NCKAP5: variants seen among roughly 807,000 people sequenced by gnomAD.
NCKAP5 encodes the protein nck-associated protein 5.
A neutral mutation model predicts 167.0 loss-of-function variants in NCKAP5; 92 were observed. That is an observed-to-expected ratio of 0.55 (90% CI 0.47 to 0.66). The LOEUF (loss-of-function observed/expected upper bound fraction) is 0.66, where lower values mean the gene tolerates loss of function less well. Among genes scored for constraint, NCKAP5 ranks in the 30% least tolerant of loss-of-function variants. NCKAP5 has a pLI of 0.00. For missense variants in NCKAP5, 2,378 were observed against 2,315.0 expected (o/e 1.03, Z -0.56); for synonymous variants, 891 against 877.4 (o/e 1.02, Z -0.27).
At chr2:132,868,385 T>C (rs563984400) in intron 10 of NCKAP5, among the ~76,000 whole-genome samples, 4 of 152,278 alleles carry the variant, frequency 2.6e-5, no homozygotes, top group African/African-American at 9.6e-5. Flanking sequence ...CTCATAGGTA[T>C]GGAAATTTCA....
intron 11 of NCKAP5, among the ~76,000 whole-genome samples, chr2:132,843,800 G>C (rs903592352): frequency 6.6e-6 from 1 of 151,722 alleles, no homozygotes; most frequent in Non-Finnish European, 1.5e-5. Flanking sequence ...ACTAATTTAA[G>C]TTGCTATTCT....
chr2:132,923,048 T>C (rs904418996), intron 8 of NCKAP5, among the ~76,000 whole-genome samples: 6 of 152,210 alleles, frequency 3.9e-5, no homozygotes, highest in Admixed American at 6.5e-5. Flanking sequence ...AGGCACTGTG[T>C]GGAGAGATGG....
At chr2:133,160,118 C>T (rs190538975) in intron 5 of NCKAP5, among the ~76,000 whole-genome samples, 1 of 152,184 alleles carries the variant, frequency 6.6e-6, no homozygotes, top group Non-Finnish European at 1.5e-5. Context: ...AACTGGGTGA[C>T]ATAGAACAAT....
At chr2:133,356,681 A>C (rs973584813) in intron 3 of NCKAP5, among the ~76,000 whole-genome samples, 1 of 152,202 alleles carries the variant, frequency 6.6e-6, no homozygotes, top group Non-Finnish European at 1.5e-5. Context: ...TGAAACTTTG[A>C]GAAAGCCCAA....
chr2:133,492,577 T>G (rs867520262), intron 3 of NCKAP5, among the ~76,000 whole-genome samples: 1 of 152,276 alleles, frequency 6.6e-6, no homozygotes, highest in Middle Eastern at 3.4e-3. Context: ...CTCTAACTAG[T>G]TATATGACCA....
chr2:132,936,196 G>C (rs1054388647), intron 8 of NCKAP5, among the ~76,000 whole-genome samples: 1 of 152,102 alleles, frequency 6.6e-6, no homozygotes, highest in African/African-American at 2.4e-5. Flanking sequence ...TGGCCAGGCT[G>C]GTCAGGAACT....
chr2:133,103,384 C>T (rs1263462672), intron 6 of NCKAP5, among the ~76,000 whole-genome samples: 1 of 152,128 alleles, frequency 6.6e-6, no homozygotes, highest in Non-Finnish European at 1.5e-5. Context: ...GTTAAATATT[C>T]TTATTTTTGA....
At chr2:132,850,633 C>T (rs990501671) in intron 11 of NCKAP5, among the ~76,000 whole-genome samples, 1 of 152,008 alleles carries the variant, frequency 6.6e-6, no homozygotes, top group Admixed American at 6.6e-5. Flanking sequence ...CATATTTGAC[C>T]ACACTGGCCT....
chr2:133,082,771 T>A (rs1251848066), intron 6 of NCKAP5, among the ~76,000 whole-genome samples: 1 of 152,300 alleles, frequency 6.6e-6, no homozygotes, highest in East Asian at 1.9e-4. Flanking sequence ...TGATTCCCGA[T>A]GGCCTACTGT....
intron 5 of NCKAP5, among the ~76,000 whole-genome samples, chr2:133,196,032 C>T (rs1459656786): frequency 6.6e-6 from 1 of 152,074 alleles, no homozygotes; most frequent in Non-Finnish European, 1.5e-5. Context: ...CTGGGTAAAA[C>T]GATGGACAGA....
At chr2:133,135,353 T>G (rs1228559907) in intron 5 of NCKAP5, among the ~76,000 whole-genome samples, 1 of 148,454 alleles carries the variant, frequency 6.7e-6, no homozygotes, top group Non-Finnish European at 1.5e-5. Context: ...AAGCCCAGTG[T>G]GGCTGGAAGC....
chr2:133,446,149 G>A (rs1691180199), intron 3 of NCKAP5, among the ~76,000 whole-genome samples: 1 of 152,068 alleles, frequency 6.6e-6, no homozygotes, highest in Non-Finnish European at 1.5e-5. Context: ...AGCAACCATA[G>A]GAAAGGGGAA....
intron 8 of NCKAP5, among the ~76,000 whole-genome samples, chr2:132,891,476 G>C (rs1692706893): frequency 6.6e-6 from 1 of 152,182 alleles, no homozygotes; most frequent in Admixed American, 6.5e-5. Flanking sequence ...TCTGGAACTG[G>C]GGGGTGGTAA....
chr2:132,891,643 CTG>C (rs1029860582), intron 8 of NCKAP5, among the ~76,000 whole-genome samples: 4 of 152,172 alleles, frequency 2.6e-5, no homozygotes, highest in East Asian at 3.9e-4. Flanking sequence ...CAGAAAAAAA[CTG>C]TGTGTGATTT....
chr2:132,752,128 A>G (rs1385834621), intron 16 of NCKAP5, among the ~76,000 whole-genome samples: 1 of 152,232 alleles, frequency 6.6e-6, no homozygotes, highest in Non-Finnish European at 1.5e-5. Context: ...GCCCATAGAG[A>G]AAGTTTGCTC....
chr2:133,423,648 C>T (rs893501275), intron 3 of NCKAP5, among the ~76,000 whole-genome samples: 3 of 152,122 alleles, frequency 2.0e-5, no homozygotes, highest in Non-Finnish European at 4.4e-5. Context: ...GCTATGTGAC[C>T]TTTAGTTGGT....
In NCKAP5 at chr2:132,784,943, A is replaced by G. The variant is rs267598881; in HGVS notation, c.1868T>C (p.Phe623Ser). 11 of 1,601,836 alleles carry G rather than the reference A, an allele frequency of 6.9e-6. No individual in the cohort carries two copies. Among genetic ancestry groups the G allele is most frequent in the Middle Eastern group, 3.3e-4 (2 of 6,022 alleles). Residue 623 changes from phenylalanine (F) to serine (S), a missense_variant, in exon 14 of 20, where the codon TTT (phenylalanine) becomes TCT (serine). By Grantham distance (155) the Phe-to-Ser change is radical. This residue lies in a region of NCKAP5 where 1,049 missense variants were observed against 1,023.4 expected (regional missense o/e 1.02). Coordinates refer to ENST00000409261, the MANE Select transcript of NCKAP5 (RefSeq NM_207363.3). Reference protein sequence around the residue: ...SVENLDVLVGFGKSLCGSPEE... With the variant: ...SVENLDVLVGSGKSLCGSPEE... ...AGGAGACCCACATAGAGATTTTCCA[A>G]ACCCCACAAGGACATCCAGGTTCTC...
At chr2:133,498,480 A>AGGCAGGCAGGCAGGC (rs1682162161) in intron 3 of NCKAP5, among the ~76,000 whole-genome samples, 3 of 101,750 alleles carry the variant, frequency 2.9e-5, no homozygotes, top group Admixed American at 1.1e-4. Flanking sequence ...GGAAGGAAGG[A>AGGCAGGCAGGCAGGC]AGGCAGGCAG....
intron 5 of NCKAP5, among the ~76,000 whole-genome samples, chr2:133,176,909 C>A (rs2084486460): frequency 6.6e-6 from 1 of 152,222 alleles, no homozygotes; most frequent in East Asian, 1.9e-4. Context: ...GCTAGAAAAG[C>A]AAATACATTT....
Sources: allele counts gnomAD v4.1 joint callset (sites outside exome capture counted in the v4.1 genomes callset), GRCh38; gene constraint gnomAD v4.1.1; regional missense constraint gnomAD v4.1.1; transcripts MANE v1.5; gene names NCBI Gene and HGNC (gene_info 2026-07-23, HGNC 2026-07-21).